Variants in EIF3E observed in about 807,000 individuals in gnomAD.
EIF3E encodes eIF-3 p48.
EIF3E carries 25 observed loss-of-function variants against 59.3 expected under a neutral mutation model. The ratio of observed to expected loss-of-function variants is 0.42; its 90% CI spans 0.31 to 0.59. EIF3E has a LOEUF of 0.59. EIF3E is among the 20% of genes least tolerant of loss of function. The pLI is 0.15. For synonymous variants in EIF3E, 176 were observed against 170.2 expected, an observed-to-expected ratio of 1.03 and a Z score of -0.26; for missense variants, 317 against 534.3, an observed-to-expected ratio of 0.59 and a Z score of 4.01.
chr8:108,231,016 G>A (rs1815612992), intron 5 of EIF3E, among the ~76,000 whole-genome samples: 1 of 152,152 alleles, frequency 6.6e-6, no homozygotes, highest in Admixed American at 6.5e-5. Context: ...AGGACCATGG[G>A]TGGAGTATGG....
chr8:108,230,794 A>C (rs139675383), intron 5 of EIF3E, among the ~76,000 whole-genome samples: 217 of 152,326 alleles, frequency 1.4e-3, no homozygotes, highest in African/African-American at 4.9e-3. Flanking sequence ...TGAATATATT[A>C]AACAGACCAT....
chr8:108,223,514 G>A (rs190372419), intron 7 of EIF3E, among the ~76,000 whole-genome samples: 20 of 152,286 alleles, frequency 1.3e-4, no homozygotes, highest in African/African-American at 4.8e-4. Context: ...TTGGTTAATA[G>A]TAAAACTTGA....
intron 10 of EIF3E, among the ~76,000 whole-genome samples, chr8:108,211,406 T>C (rs956128193): frequency 1.3e-5 from 2 of 152,248 alleles, no homozygotes. Context: ...TTTTCAGAAG[T>C]ATCTGTTCAT....
intron 1 of EIF3E, among the ~76,000 whole-genome samples, chr8:108,244,973 C>T (rs1184300616): frequency 2.0e-5 from 3 of 152,032 alleles, no homozygotes; most frequent in East Asian, 1.9e-4. Flanking sequence ...TACCGCTCCT[C>T]GCCCTGAGAA....
chr8:108,214,470 T>C, intron 10 of EIF3E, 137 bp downstream of exon 10: 2 of 692,520 alleles, frequency 2.9e-6, no homozygotes, highest in East Asian at 3.0e-5. Context: ...TTTATCAAAT[T>C]GTTTCATTGT....
intron 10 of EIF3E, 44 bp downstream of exon 10, chr8:108,214,563 G>T: frequency 7.2e-7 from 1 of 1,382,264 alleles, no homozygotes; most frequent in Non-Finnish European, 9.7e-7. Flanking sequence ...AAATTTCCAG[G>T]AATTTTAAAG....
At position 108,228,400 on chromosome 8, in the gene EIF3E, T is replaced by C; in HGVS notation, c.598-9A>G. The C allele has an allele frequency of 6.7e-7, 1 of 1,493,232 alleles. No individual in the cohort carries two copies. The highest frequency in any genetic ancestry group is 8.9e-7 in the Non-Finnish European group (1 of 1,123,046). 92.5% of individuals were successfully genotyped at this position (1,493,232 alleles called of 1,614,324 possible). On this transcript the variant is annotated splice_polypyrimidine_tract_variant and intron_variant, in intron 6 of 12. Coordinates refer to ENST00000220849, the MANE Select transcript of EIF3E (RefSeq NM_001568.3). The stretch of plus-strand genomic sequence containing the variant: ...AGTGGAGAACTCACAGACTAAAGGA[T>C]TTAAAAATATATACATAAAAAATAT...
intron 10 of EIF3E, among the ~76,000 whole-genome samples, chr8:108,212,738 G>A (rs558444925): frequency 1.7e-4 from 26 of 152,122 alleles, no homozygotes; most frequent in Non-Finnish European, 3.7e-4. Flanking sequence ...AGAGGCAGAG[G>A]TTGCAGTGAG....
rs999600346 is a variant in EIF3E at position 108,213,057 on chromosome 8, C to CT, written c.1061+1549dup. On this transcript the variant is annotated intron_variant, in intron 10 of 12. Coordinates refer to ENST00000220849, the MANE Select transcript of EIF3E (RefSeq NM_001568.3). ...TACACGGAGAAAAGTCTGAAAAATT[C>CT]TTAGGTAGTGTCACATAAAGGTATA... Among the ~76,000 whole-genome samples, 33 of 152,250 alleles carry CT rather than the reference C, an allele frequency of 2.2e-4. No individual in the cohort carries two copies. In the South Asian group the frequency reaches 5.4e-3, roughly 25 times the overall value.
At chr8:108,240,210 C>A in intron 2 of EIF3E, 135 bp from the exon 3 acceptor site, 1 of 748,584 alleles carries the variant, frequency 1.3e-6, no homozygotes, top group African/African-American at 1.7e-5. Flanking sequence ...ATTCATATGC[C>A]ATGGGCTACT....
At position 108,204,746 on chromosome 8, in the gene EIF3E, T is replaced by TAGAG. The variant is rs1180256994; in HGVS notation, c.1062-1247_1062-1244dup. ...TAGTATGTATGTATATATATATATA[T>TAGAG]AGAGAGAGAGAGAGAGAGAGAGAGA... On this transcript the variant is annotated intron_variant, in intron 10 of 12. Coordinates refer to ENST00000220849, the MANE Select transcript of EIF3E (RefSeq NM_001568.3). 3.6e-3 allele frequency among the ~76,000 whole-genome samples: 406 copies of TAGAG among 113,666 alleles called. 8 individuals carry two copies. Among genetic ancestry groups the TAGAG allele is most frequent in the South Asian group, 0.018 (55 of 3,070 alleles). The allele number at this position is 113,666 out of a possible 152,430, so 74.6% of individuals were successfully genotyped here.
intron 7 of EIF3E, among the ~76,000 whole-genome samples, chr8:108,225,044 A>C (rs1006200778): frequency 8.6e-5 from 13 of 151,716 alleles, no homozygotes; most frequent in South Asian, 2.1e-4. Context: ...TGCTGTATAC[A>C]CACTTCACTG....
chr8:108,217,549 C>T, intron 7 of EIF3E, 89 bp from the exon 8 acceptor site: 1 of 1,114,206 alleles, frequency 9.0e-7, no homozygotes. Flanking sequence ...TACTATTTCA[C>T]TAGCCTAAGA....
intron 5 of EIF3E, chr8:108,233,540 A>C (rs1815661878): frequency 5.8e-6 from 1 of 171,362 alleles, no homozygotes; most frequent in African/African-American, 2.4e-5. Flanking sequence ...TCTAGGATTA[A>C]CTAGAGAAAT....
At chr8:108,218,986 G>A (rs576892578) in intron 7 of EIF3E, among the ~76,000 whole-genome samples, 7 of 151,840 alleles carry the variant, frequency 4.6e-5, no homozygotes, top group African/African-American at 7.2e-5. Context: ...GGGTTTCACC[G>A]TGTTGGCCAG....
In EIF3E at chr8:108,229,051, G is replaced by A. The variant is rs1191665531; in HGVS notation, c.597+19C>T. 1 of 1,584,006 alleles carries A rather than the reference G, an allele frequency of 6.3e-7. No individual in the cohort carries two copies. The highest frequency in any genetic ancestry group is 2.3e-5 in the East Asian group (1 of 44,118). On this transcript the variant is annotated intron_variant, in intron 6 of 12. Transcript: ENST00000220849. Reference sequence around the variant, plus strand: ...TACACAGATATTTCAGAGAATAACTGTGAAAAAGTCGAACTCACATTATTA... The same window carrying A: ...TACACAGATATTTCAGAGAATAACTATGAAAAAGTCGAACTCACATTATTA...
intron 6 of EIF3E, 32 bp from the exon 7 acceptor site, chr8:108,228,423 T>A (rs1182947899): frequency 1.4e-6 from 2 of 1,394,674 alleles, no homozygotes; most frequent in Non-Finnish European, 1.9e-6. Context: ...ACATAAAAAA[T>A]ATTAATATAT....
rs76865757 is a variant in EIF3E at position 108,229,256 on chromosome 8, T to G, written c.472-61A>C. 9.6e-3 allele frequency: 14,927 copies of G among 1,553,330 alleles called. 118 individuals carry two copies. Among genetic ancestry groups the G allele is most frequent in the Non-Finnish European group, 0.012 (13,640 of 1,137,600 alleles). ...ACTCTTGAAAAATGAACATAATGTA[T>G]GTTTTATACCCATGTATCCCTCTAG... is the stretch of plus-strand genomic sequence containing the variant. On this transcript the variant is annotated intron_variant, in intron 5 of 12. Transcript: ENST00000220849.
chr8:108,237,700 T>C (rs989576392), intron 3 of EIF3E, among the ~76,000 whole-genome samples: 8 of 152,234 alleles, frequency 5.3e-5, no homozygotes, highest in Admixed American at 2.0e-4. Context: ...ACAATACTGA[T>C]TATGAAATGT....
Sources: allele counts gnomAD v4.1 joint callset (sites outside exome capture counted in the v4.1 genomes callset), GRCh38; gene constraint gnomAD v4.1.1; transcripts MANE v1.5; gene names NCBI Gene and HGNC (gene_info 2026-07-23, HGNC 2026-07-21).